Variants in TAFA4 observed in about 807,000 individuals in gnomAD.
The protein encoded by TAFA4 is chemokine-like protein TAFA-4.
TAFA4 carries 20 observed loss-of-function variants against 21.1 expected under a neutral mutation model. The ratio of observed to expected loss-of-function variants is 0.95; its 90% CI spans 0.67 to 1.38. The LOEUF (loss-of-function observed/expected upper bound fraction) is 1.38, where lower values mean the gene tolerates loss of function less well. Among genes scored for constraint, TAFA4 ranks in the 40% most tolerant of loss-of-function variants. The pLI, the probability that TAFA4 is intolerant of heterozygous loss-of-function variation, is 0.00. For missense variants in TAFA4, 211 were observed against 180.9 expected, an observed-to-expected ratio of 1.17 and a Z score of -0.95; for synonymous variants, 71 against 67.4, an observed-to-expected ratio of 1.05 and a Z score of -0.26.
chr3:68,777,191 T>G (rs1413664413), intron 3 of TAFA4, among the ~76,000 whole-genome samples: 1 of 151,994 alleles, frequency 6.6e-6, no homozygotes, highest in African/African-American at 2.4e-5. Context: ...TAAAGCAAAA[T>G]AATAATACAC....
At chr3:68,929,815 GAGTT>G (rs1413775039) in intron 1 of TAFA4, among the ~76,000 whole-genome samples, 10 of 152,210 alleles carry the variant, frequency 6.6e-5, no homozygotes, top group African/African-American at 2.4e-5. Flanking sequence ...AGCTAACGGA[GAGTT>G]AGTAAGTGCC....
chr3:68,750,133 A>G (rs1702534240), intron 4 of TAFA4, among the ~76,000 whole-genome samples: 2 of 152,286 alleles, frequency 1.3e-5, no homozygotes, highest in South Asian at 4.1e-4. Flanking sequence ...CAAAATGTCC[A>G]TCAATAAAGG....
intron 1 of TAFA4, among the ~76,000 whole-genome samples, chr3:68,930,970 C>T (rs9850135): frequency 0.027 from 4,137 of 152,282 alleles, 194 homozygotes; most frequent in African/African-American, 0.094. Flanking sequence ...AAACTGCCCC[C>T]ACCTCTTCCC....
At chr3:68,794,714 T>G (rs1179919908) in intron 3 of TAFA4, among the ~76,000 whole-genome samples, 1 of 152,184 alleles carries the variant, frequency 6.6e-6, no homozygotes, top group Non-Finnish European at 1.5e-5. Flanking sequence ...GTCGATCATT[T>G]TGGTGGGGTA....
chr3:68,859,612 A>G (rs1398314273), intron 3 of TAFA4, among the ~76,000 whole-genome samples: 1 of 152,130 alleles, frequency 6.6e-6, no homozygotes, highest in Non-Finnish European at 1.5e-5. Context: ...CAAGTTGGTT[A>G]ATGGACTGAG....
intron 3 of TAFA4, among the ~76,000 whole-genome samples, chr3:68,812,049 C>T (rs182091869): frequency 6.6e-6 from 1 of 152,252 alleles, no homozygotes; most frequent in African/African-American, 2.4e-5. Flanking sequence ...AATTTTCAAC[C>T]CAGAATTTCA....
intron 1 of TAFA4, among the ~76,000 whole-genome samples, chr3:68,910,874 A>G (rs2089955014): frequency 6.6e-6 from 1 of 152,216 alleles, no homozygotes. Flanking sequence ...TTCTAATAAA[A>G]CATCAATAAA....
At chr3:68,891,936 T>A (rs988140839) in intron 1 of TAFA4, among the ~76,000 whole-genome samples, 2 of 152,228 alleles carry the variant, frequency 1.3e-5, no homozygotes, top group Admixed American at 1.3e-4. Flanking sequence ...CACCAAAGCA[T>A]GCACAATGAA....
chr3:68,883,732 T>A (rs891376541), intron 2 of TAFA4, among the ~76,000 whole-genome samples: 3 of 152,112 alleles, frequency 2.0e-5, no homozygotes, highest in Admixed American at 6.6e-5. Flanking sequence ...CCTAAAGAAA[T>A]AACCAGCAAC....
rs576450207 is a variant in TAFA4, at chr3:68,910,001, G to A, written c.-123+22239C>T. On this transcript the variant is annotated intron_variant, in intron 1 of 5. Coordinates refer to ENST00000295569, the MANE Select transcript of TAFA4 (RefSeq NM_182522.5). ...TGTGACTGTAGGACTGAGAGCTTCAGGGGTTTTTGCTGGCTCTAAGCCAGA... is the reference window on the plus strand; with the variant it reads ...TGTGACTGTAGGACTGAGAGCTTCAAGGGTTTTTGCTGGCTCTAAGCCAGA... 1.7e-3 allele frequency among the ~76,000 whole-genome samples: 261 copies of A among 152,260 alleles called. 1 individual carries two copies. Among genetic ancestry groups the A allele is most frequent in the African/African-American group, 6.0e-3 (250 of 41,530 alleles).
At chr3:68,749,423 T>C (rs1164042507) in intron 4 of TAFA4, among the ~76,000 whole-genome samples, 9 of 152,224 alleles carry the variant, frequency 5.9e-5, no homozygotes, top group Admixed American at 5.9e-4. Context: ...TTTCTATTCT[T>C]ATTGACAGAT....
chr3:68,829,616 C>A (rs1341620416), intron 3 of TAFA4, among the ~76,000 whole-genome samples: 1 of 152,248 alleles, frequency 6.6e-6, no homozygotes. Context: ...ATTTTCGCAT[C>A]GATGTTCATC....
At chr3:68,839,000 A>G (rs906738844) in intron 3 of TAFA4, among the ~76,000 whole-genome samples, 1 of 152,174 alleles carries the variant, frequency 6.6e-6, no homozygotes, top group African/African-American at 2.4e-5. Context: ...CAGGAGGCTG[A>G]GGTGGGAGAA....
Position 68,736,895 on chromosome 3 carries a change from CATGATGGCTTGGGGAACTGTA to C in TAFA4, c.411+2159_411+2179del, listed in dbSNP as rs560344197. The stretch of plus-strand genomic sequence containing the variant: ...ATCACTAAAAAAGCAGCCCAAGTAT[CATGATGGCTTGGGGAACTGTA>C]TTATCTTTCTACAACTTTTCGAAGT... On this transcript the variant is annotated intron_variant, in intron 5 of 5. Coordinates refer to ENST00000295569, the MANE Select transcript of TAFA4 (RefSeq NM_182522.5). Among the ~76,000 whole-genome samples, 312 of 152,248 alleles carry C rather than the reference CATGATGGCTTGGGGAACTGTA, an allele frequency of 2.0e-3. 1 individual carries two copies. Among genetic ancestry groups the C allele is most frequent in the South Asian group, 0.014 (67 of 4,824 alleles).
At chr3:68,764,634 GA>G in intron 3 of TAFA4, among the ~76,000 whole-genome samples, 1 of 152,096 alleles carries the variant, frequency 6.6e-6, no homozygotes, top group Non-Finnish European at 1.5e-5. Context: ...CGATCACTGG[GA>G]AATATCATGA....
chr3:68,832,332 C>A, intron 3 of TAFA4, among the ~76,000 whole-genome samples: 1 of 152,150 alleles, frequency 6.6e-6, no homozygotes. Context: ...TACCTTTGGT[C>A]TTTGATGTTG....
At chr3:68,880,251 T>TA (rs2089600446) in intron 3 of TAFA4, among the ~76,000 whole-genome samples, 1 of 152,174 alleles carries the variant, frequency 6.6e-6, no homozygotes. Context: ...TTTCTTTTTT[T>TA]AAAAAATCAT....
chr3:68,843,324 CTCTG>C (rs372107065), intron 3 of TAFA4, among the ~76,000 whole-genome samples: 268 of 152,112 alleles, frequency 1.8e-3, no homozygotes, highest in African/African-American at 5.7e-3. Flanking sequence ...TGATTTGGCT[CTCTG>C]TCTATTATTG....
chr3:68,885,037 T>C, intron 2 of TAFA4, 138 bp downstream of exon 2: 1 of 754,366 alleles, frequency 1.3e-6, no homozygotes, highest in Non-Finnish European at 2.1e-6. Context: ...AATGAAAAAA[T>C]CAACATTTCC....
Sources: gnomAD v4.1 joint callset for allele counts (sites outside exome capture counted in the v4.1 genomes callset) on GRCh38, gnomAD v4.1.1 for gene constraint, MANE v1.5 for transcripts, NCBI Gene and HGNC (gene_info 2026-07-23, HGNC 2026-07-21) for gene names.